Variants in PATJ observed in about 807,000 individuals in gnomAD.
PATJ encodes the protein inaD-like protein.
Under a neutral mutation model 224.9 loss-of-function variants are expected in PATJ, and 190 were observed. That is an observed-to-expected ratio of 0.84 (90% CI 0.75 to 0.95). The LOEUF (loss-of-function observed/expected upper bound fraction) is 0.95. PATJ is among the 40% of genes least tolerant of loss of function. The probability of loss-of-function intolerance (pLI) is 0.00; values close to 1 mark genes in which losing one functional copy is unlikely to be tolerated. For missense variants in PATJ, 2,121 were observed against 2,270.3 expected (o/e 0.93, Z 1.34); for synonymous variants, 769 against 820.3 (o/e 0.94, Z 1.07).
intron 11 of PATJ, among the ~76,000 whole-genome samples, chr1:61,801,149 C>T (rs1365115618): frequency 3.9e-5 from 6 of 152,290 alleles, no homozygotes; most frequent in East Asian, 3.9e-4. Flanking sequence ...CTTGAGGAAT[C>T]GCCATACTGT....
At chr1:62,014,096 A>G (rs1646623847) in intron 28 of PATJ, among the ~76,000 whole-genome samples, 2 of 151,916 alleles carry the variant, frequency 1.3e-5, no homozygotes, top group African/African-American at 2.4e-5. Flanking sequence ...CACTCTGTCA[A>G]TCAGCCTGGA....
At chr1:61,805,553 TTCATGTC>T (rs1653365855) in intron 13 of PATJ, 29 bp downstream of exon 13, 1 of 1,293,010 alleles carries the variant, frequency 7.7e-7, no homozygotes, top group African/African-American at 1.5e-5. Context: ...ATAAAAAACA[TTCATGTC>T]TCATTTCACA....
intron 7 of PATJ, among the ~76,000 whole-genome samples, chr1:61,785,649 A>G (rs1326362319): frequency 6.6e-6 from 1 of 152,210 alleles, no homozygotes; most frequent in Non-Finnish European, 1.5e-5. Flanking sequence ...TTAATACACT[A>G]TAATAAAGTG....
At chr1:61,908,292 T>C in intron 24 of PATJ, 80 bp from the exon 25 acceptor site, 1 of 894,108 alleles carries the variant, frequency 1.1e-6, no homozygotes, top group Non-Finnish European at 1.8e-6. Flanking sequence ...TATAACTAGA[T>C]AATGCACATG....
intron 6 of PATJ, among the ~76,000 whole-genome samples, chr1:61,772,697 G>A (rs571798598): frequency 1.2e-4 from 18 of 152,160 alleles, no homozygotes; most frequent in Non-Finnish European, 2.2e-4. Context: ...TGAATAAAGT[G>A]GGGCATTGTT....
At chr1:62,035,564 T>G (rs58102901) in intron 29 of PATJ, among the ~76,000 whole-genome samples, 1,793 of 152,140 alleles carry the variant, frequency 0.012, 38 homozygotes, top group African/African-American at 0.041. Context: ...TGTATCCTTA[T>G]TGAAGAGAGT....
At chr1:62,103,703 G>A (rs1264910462) in intron 33 of PATJ, among the ~76,000 whole-genome samples, 3 of 151,204 alleles carry the variant, frequency 2.0e-5, no homozygotes, top group South Asian at 4.2e-4. Context: ...GCAGTGAGCC[G>A]AGATTGCACC....
chr1:61,791,467 T>C lies in PATJ; in HGVS notation c.1168+20T>C, dbSNP rs1455104155. On this transcript the variant is annotated intron_variant, in intron 9 of 43. Transcript: ENST00000642238. ...ATACAGGTAAATGAATCATTTCTAT[T>C]TTATATTTGGAAATTGTAAAGGATG... 3.5e-6 allele frequency: 5 copies of C among 1,415,938 alleles called. No individual in the cohort carries two copies. Among genetic ancestry groups the C allele is most frequent in the Non-Finnish European group, 5.0e-6 (5 of 1,007,210 alleles). The allele number at this position is 1,415,938 out of a possible 1,614,324, so 87.7% of individuals were successfully genotyped here.
intron 30 of PATJ, 135 bp downstream of exon 30, chr1:62,038,184 T>A: frequency 2.1e-6 from 1 of 482,666 alleles, no homozygotes; most frequent in Non-Finnish European, 3.8e-6. Context: ...AAATGGAAAG[T>A]ATTGAGGTAT....
Position 61,875,341 on chromosome 1 carries a change from A to G in PATJ, c.2934A>G (p.Ser978=). Reference sequence around the variant, plus strand: ...TTGACGACCTGGAAAATCTTAATTCATTAGCAAAAACTAGTCTGGATTTAG... The same window carrying G: ...TTGACGACCTGGAAAATCTTAATTCGTTAGCAAAAACTAGTCTGGATTTAG... ...GRFDDLENLN[S]LAKTSLDLGM... Residue 978 remains serine, a synonymous_variant, in exon 21 of 44, where the codon TCA becomes TCG. Transcript: ENST00000642238. 1 of 1,611,188 alleles carries G rather than the reference A, an allele frequency of 6.2e-7. No homozygotes were observed. Among genetic ancestry groups the G allele is most frequent in the Non-Finnish European group, 8.5e-7 (1 of 1,178,618 alleles).
At chr1:62,048,504 C>CTT (rs1289870927) in intron 30 of PATJ, among the ~76,000 whole-genome samples, 3 of 138,286 alleles carry the variant, frequency 2.2e-5, no homozygotes, top group African/African-American at 7.9e-5. Context: ...CGAGATCGTG[C>CTT]CACTGCATTC....
chr1:61,916,588 T>C (rs1362075450), intron 26 of PATJ, among the ~76,000 whole-genome samples: 1 of 152,240 alleles, frequency 6.6e-6, no homozygotes, highest in East Asian at 1.9e-4. Flanking sequence ...GAATATGATG[T>C]ACTGTAGGTA....
In PATJ at chr1:61,945,490, A is replaced by C. The variant is rs369776292; in HGVS notation, c.3670+17661A>C. On this transcript the variant is annotated intron_variant, in intron 27 of 43. Transcript: ENST00000642238. The stretch of plus-strand genomic sequence containing the variant: ...ATCAGAAGAGACAAAGAAGGCCATT[A>C]CATAATGGGAAAGGGATCAATTCAA... Among the ~76,000 whole-genome samples, 74 of 152,336 alleles carry C rather than the reference A, an allele frequency of 4.9e-4. No individual in the cohort carries two copies. In the South Asian group the frequency reaches 8.3e-3, roughly 17 times the overall value.
In PATJ at chr1:62,054,891, C is replaced by T. The variant is rs543353285; in HGVS notation, c.4125+3833C>T. Among the ~76,000 whole-genome samples, 459 of 151,940 alleles carry T rather than the reference C, an allele frequency of 3.0e-3. 4 individuals are homozygous for T. Among genetic ancestry groups the T allele is most frequent in the Non-Finnish European group, 3.9e-3 (267 of 67,970 alleles). On this transcript the variant is annotated intron_variant, in intron 31 of 43. Coordinates refer to ENST00000642238, the MANE Select transcript of PATJ (RefSeq NM_001350145.3). Reference sequence around the variant, plus strand: ...CCAACATGGTGAAACCCCATCTCTACGAAAAATACAAAAATTAGCTGGGCA... The same window carrying T: ...CCAACATGGTGAAACCCCATCTCTATGAAAAATACAAAAATTAGCTGGGCA...
intron 39 of PATJ, 38 bp downstream of exon 39, chr1:62,123,096 TG>T (rs1463508246): frequency 8.8e-6 from 13 of 1,478,462 alleles, no homozygotes; most frequent in Non-Finnish European, 1.2e-5. Context: ...TTTTCTGGTT[TG>T]TGTTGGATTT....
In PATJ at chr1:61,844,245, A is replaced by G. The variant is rs895803855; in HGVS notation, c.2112+10460A>G. On this transcript the variant is annotated intron_variant, in intron 17 of 43. Transcript: ENST00000642238. The stretch of plus-strand genomic sequence containing the variant: ...TGCTGTGTGGACAGTAAGGGATTGG[A>G]CATTCCAGCCACAGTGAATAACCCA... 2.6e-5 allele frequency among the ~76,000 whole-genome samples: 4 copies of G among 152,242 alleles called. No individual in the cohort carries two copies. In the East Asian group the frequency reaches 7.7e-4, roughly 29 times the overall value.
chr1:61,846,713 C>T (rs1570866337), intron 17 of PATJ, among the ~76,000 whole-genome samples: 1 of 152,178 alleles, frequency 6.6e-6, no homozygotes, highest in South Asian at 2.1e-4. Flanking sequence ...TCTCCTGCCT[C>T]AGCCTCGCGA....
rs1004644337 is a variant in PATJ, at chr1:61,821,205, C to T, written c.1684-1740C>T. ...GACTACAGGCGCCTGCCACCATGCC[C>T]GGCTAATTTTTTTGTATTTTTAGTA... On this transcript the variant is annotated intron_variant, in intron 14 of 43. Transcript: ENST00000642238. 1.1e-4 allele frequency among the ~76,000 whole-genome samples: 16 copies of T among 151,996 alleles called. No homozygotes were observed. The East Asian group carries it at 1.7e-3, about 17-fold the overall frequency.
intron 29 of PATJ, among the ~76,000 whole-genome samples, chr1:62,023,408 A>AT (rs926726011): frequency 4.7e-4 from 72 of 152,302 alleles, no homozygotes; most frequent in African/African-American, 1.5e-3. Context: ...ACATTCATTC[A>AT]TTTTTTTAAC....
Sources: allele counts gnomAD v4.1 joint callset (sites outside exome capture counted in the v4.1 genomes callset), GRCh38; gene constraint gnomAD v4.1.1; transcripts MANE v1.5; gene names NCBI Gene and HGNC (gene_info 2026-07-23, HGNC 2026-07-21).